PTK2B: variants seen among roughly 807,000 people sequenced by gnomAD.
PTK2B encodes protein-tyrosine kinase 2-beta.
In PTK2B, 71 loss-of-function variants were observed where a neutral mutation model predicts 142.9. The observed-to-expected ratio is 0.50, with a 90% CI of 0.41 to 0.61. PTK2B has a LOEUF of 0.61. Ranked by LOEUF, PTK2B falls within the 20% of genes least tolerant of loss-of-function variation. PTK2B has a pLI of 0.00. For synonymous variants in PTK2B, 519 were observed against 503.4 expected, an observed-to-expected ratio of 1.03 and a Z score of -0.42; for missense variants, 1,105 against 1,320.4, an observed-to-expected ratio of 0.84 and a Z score of 2.53.
intron 5 of PTK2B, among the ~76,000 whole-genome samples, chr8:27,426,609 T>C (rs1287847218): frequency 6.6e-6 from 1 of 152,146 alleles, no homozygotes; most frequent in Non-Finnish European, 1.5e-5. Flanking sequence ...AGATGTTCAG[T>C]TGCTCCAAAT....
intron 3 of PTK2B, among the ~76,000 whole-genome samples, chr8:27,315,991 A>G (rs1803086326): frequency 6.6e-6 from 1 of 152,192 alleles, no homozygotes; most frequent in East Asian, 1.9e-4. Flanking sequence ...GGAAAGAGAA[A>G]TCTTGGTGAC....
At chr8:27,376,546 T>C (rs931161829) in intron 1 of PTK2B, among the ~76,000 whole-genome samples, 3 of 152,184 alleles carry the variant, frequency 2.0e-5, no homozygotes, top group Non-Finnish European at 4.4e-5. Context: ...GATGAAGGCA[T>C]TCTAAGTCAC....
chr8:27,330,844 C>T lies in PTK2B; in HGVS notation c.-38+5163C>T, dbSNP rs575836610. Among the ~76,000 whole-genome samples, 12 of 152,304 alleles carry T rather than the reference C, an allele frequency of 7.9e-5. No homozygotes were observed. The South Asian group carries it at 2.1e-3, about 26-fold the overall frequency. On this transcript the variant is annotated intron_variant, in intron 1 of 30. Transcript: ENST00000346049. ...GCCACAGGGGGCCTGCAGGGGTGGACGCTGCTCTGAGTTTAGTGGTCTTCG... is the reference window on the plus strand; with the variant it reads ...GCCACAGGGGGCCTGCAGGGGTGGATGCTGCTCTGAGTTTAGTGGTCTTCG...
At chr8:27,435,393 C>T (rs142756124) in intron 13 of PTK2B, among the ~76,000 whole-genome samples, 40 of 152,354 alleles carry the variant, frequency 2.6e-4, no homozygotes, top group African/African-American at 9.1e-4. Context: ...TTGGGAGGTA[C>T]ACAAACATCC....
intron 2 of PTK2B, among the ~76,000 whole-genome samples, chr8:27,399,282 T>C (rs1563252691): frequency 6.6e-6 from 1 of 152,154 alleles, no homozygotes; most frequent in Non-Finnish European, 1.5e-5. Flanking sequence ...AAAAGGGTCC[T>C]GAAAAAGAGG....
intron 2 of PTK2B, among the ~76,000 whole-genome samples, chr8:27,407,488 C>T (rs1563259670): frequency 6.6e-6 from 1 of 152,228 alleles, no homozygotes; most frequent in Non-Finnish European, 1.5e-5. Flanking sequence ...GACTGCACTT[C>T]ACCCACCTGC....
intron 3 of PTK2B, among the ~76,000 whole-genome samples, chr8:27,318,489 C>T (rs1209255855): frequency 3.3e-5 from 5 of 152,144 alleles, no homozygotes; most frequent in African/African-American, 9.7e-5. Context: ...AGGGAAGTCT[C>T]CTTTTCCAGG....
Position 27,381,243 on chromosome 8 carries a change from A to C in PTK2B, c.-37-16305A>C, listed in dbSNP as rs139041858. On this transcript the variant is annotated intron_variant, in intron 1 of 30. Transcript: ENST00000346049. ...TTTAAAAATATACAATAAATTATTGACTCTAGTCACCCTACAGAGCTACAG... is the reference window on the plus strand; with the variant it reads ...TTTAAAAATATACAATAAATTATTGCCTCTAGTCACCCTACAGAGCTACAG... Among the ~76,000 whole-genome samples, 1,043 of 152,216 alleles carry C rather than the reference A, an allele frequency of 6.9e-3. 13 individuals carry two copies. The highest frequency in any genetic ancestry group is 0.024 in the African/African-American group (1,001 of 41,512).
In PTK2B at chr8:27,439,370, C is replaced by T; in HGVS notation, c.1806C>T (p.Phe602=). 1.9e-6 allele frequency: 3 copies of T among 1,614,020 alleles called. No individual in the cohort carries two copies. Among genetic ancestry groups the T allele is most frequent in the East Asian group, 2.2e-5 (1 of 44,884 alleles). The change falls in exon 20 of 31, where the codon TTC becomes TTT. Residue 602 remains phenylalanine (F), a synonymous_variant. Transcript: ENST00000346049. ...MSPESINFRR[F]TTASDVWMFA... is the part of the protein sequence containing the mutation. ...CAGAGTCCATTAACTTCCGACGCTT[C>T]ACGACAGCCAGTGACGTCTGGATGT...
intron 13 of PTK2B, among the ~76,000 whole-genome samples, chr8:27,435,020 G>A (rs1260319520): frequency 6.6e-6 from 1 of 152,126 alleles, no homozygotes; most frequent in Non-Finnish European, 1.5e-5. Context: ...ATCATGAGTA[G>A]TAATCGCTAG....
At chr8:27,411,681 T>C (rs1376754308) in intron 2 of PTK2B, among the ~76,000 whole-genome samples, 1 of 152,210 alleles carries the variant, frequency 6.6e-6, no homozygotes, top group Non-Finnish European at 1.5e-5. Context: ...GTGTCACTCA[T>C]GGTCAAAAAC....
intron 1 of PTK2B, among the ~76,000 whole-genome samples, chr8:27,393,584 C>T (rs1168460900): frequency 6.6e-6 from 1 of 152,038 alleles, no homozygotes; most frequent in Non-Finnish European, 1.5e-5. Flanking sequence ...GGAGTTGGCT[C>T]CTGAGTGGGC....
At chr8:27,416,856 A>G (rs180674968) in intron 2 of PTK2B, among the ~76,000 whole-genome samples, 1 of 152,356 alleles carries the variant, frequency 6.6e-6, no homozygotes, top group African/African-American at 2.4e-5. Context: ...ACATGAAAAC[A>G]TGTTCAATAT....
chr8:27,322,494 T>G (rs1174912219), upstream of PTK2B: 1 of 152,202 alleles, frequency 6.6e-6, no homozygotes, highest in South Asian at 2.1e-4. Context: ...ATAAACTATA[T>G]GGCAGGTATG....
Position 27,363,939 on chromosome 8 carries a change from C to A in PTK2B, c.-37-33609C>A, listed in dbSNP as rs190221253. On this transcript the variant is annotated intron_variant, in intron 1 of 30. Transcript: ENST00000346049. The surrounding 1 kb of genome is among the most constrained non-coding windows in gnomAD (Gnocchi z 4.3). ...GGCTAAGATTAGACTAGGGCCCGGC[C>A]GCCTGTCTTGACACATGCGCACAAG... 7.2e-5 allele frequency among the ~76,000 whole-genome samples: 11 copies of A among 152,140 alleles called. No homozygotes were observed. The highest frequency in any genetic ancestry group is 2.7e-4 in the African/African-American group (11 of 41,420).
chr8:27,436,598 A>G (rs993048633), intron 15 of PTK2B, among the ~76,000 whole-genome samples: 13 of 152,116 alleles, frequency 8.5e-5, no homozygotes, highest in South Asian at 2.1e-4. Context: ...GAGAAGGGTC[A>G]GTATTCTTGG....
intron 1 of PTK2B, among the ~76,000 whole-genome samples, chr8:27,331,438 T>G (rs1389783587): frequency 6.6e-6 from 1 of 151,362 alleles, no homozygotes; most frequent in Non-Finnish European, 1.5e-5. Flanking sequence ...TTCTGACCAC[T>G]TGGAGCACCA....
chr8:27,311,520 C>G, exon 1 of PTK2B: 1 of 489,092 alleles, frequency 2.0e-6, no homozygotes. Context: ...GGTCCCTGGC[C>G]GGGGTAGCAC....
chr8:27,397,310 C>G, intron 1 of PTK2B: 1 of 489,692 alleles, frequency 2.0e-6, no homozygotes, highest in South Asian at 2.1e-5. Context: ...AGACAGAGCT[C>G]ATACCCCTGG....
Sources: gnomAD v4.1 joint callset for allele counts (sites outside exome capture counted in the v4.1 genomes callset) on GRCh38, gnomAD v4.1.1 for gene constraint, Gnocchi (gnomAD v3.1) non-coding constraint, MANE v1.5 for transcripts, NCBI Gene and HGNC (gene_info 2026-07-23, HGNC 2026-07-21) for gene names.